TMEM168: variants seen among roughly 807,000 people sequenced by gnomAD.
TMEM168 encodes the protein transmembrane protein 168.
TMEM168 carries 40 observed loss-of-function variants against 53.2 expected under a neutral mutation model. The observed-to-expected ratio is 0.75, with a 90% CI of 0.58 to 0.98. TMEM168 has a LOEUF of 0.98. Ranked by LOEUF, TMEM168 falls within the 50% of genes least tolerant of loss-of-function variation. TMEM168 has a pLI of 0.00. For synonymous variants in TMEM168, 282 were observed against 293.0 expected, an observed-to-expected ratio of 0.96 and a Z score of 0.38; for missense variants, 771 against 828.8, an observed-to-expected ratio of 0.93 and a Z score of 0.86.
chr7:112,782,384 T>G (rs760392094), intron 2 of TMEM168, among the ~76,000 whole-genome samples: 1 of 152,078 alleles, frequency 6.6e-6, no homozygotes, highest in Non-Finnish European at 1.5e-5. Context: ...TTAACAGAAT[T>G]TGAAAGCCTG....
In TMEM168 at chr7:112,767,308, G is replaced by A; in HGVS notation, c.1983C>T (p.Asn661=). The A allele has an allele frequency of 6.2e-7, 1 of 1,614,098 alleles. No individual in the cohort carries two copies. The highest frequency in any genetic ancestry group is 1.1e-5 in the South Asian group (1 of 91,082). ...AACAAGTTTTGCAGATCCAAAAAAG[G>A]TTCAGACCGCATAACCAATTTGCCA... ...VHLANWLCGL[N]LFWICKTCFR... Residue 661 remains asparagine, a synonymous_variant, in exon 5 of 5, where the codon AAC becomes AAT. Transcript: ENST00000312814.
chr7:112,780,744 A>T lies in TMEM168; in HGVS notation c.1128+2954T>A, dbSNP rs556662731. ...GTCTCAAAAACAAAAGTCAGGCTCA[A>T]AAGACTACAATGTTAAATGATTTTA... On this transcript the variant is annotated intron_variant, in intron 2 of 4. Transcript: ENST00000312814. 1.3e-4 allele frequency among the ~76,000 whole-genome samples: 20 copies of T among 152,258 alleles called. 1 individual carries two copies. In the South Asian group the frequency reaches 4.1e-3, roughly 32 times the overall value.
intron 4 of TMEM168, among the ~76,000 whole-genome samples, chr7:112,768,381 A>G (rs1792842589): frequency 6.6e-6 from 1 of 152,184 alleles, no homozygotes; most frequent in Non-Finnish European, 1.5e-5. Flanking sequence ...CTTTACAGAA[A>G]AAGTTTGCCT....
intron 2 of TMEM168, among the ~76,000 whole-genome samples, chr7:112,777,090 GAA>G (rs1793105294): frequency 1.3e-5 from 2 of 152,026 alleles, no homozygotes; most frequent in South Asian, 2.1e-4. Context: ...TAGTTTCAAT[GAA>G]AGTCTTTTGT....
Position 112,783,783 on chromosome 7 carries a change from C to T in TMEM168, c.1043G>A (p.Gly348Glu). The T allele has an allele frequency of 6.3e-7, 1 of 1,593,386 alleles. No individual in the cohort carries two copies. The highest frequency in any genetic ancestry group is 8.5e-7 in the Non-Finnish European group (1 of 1,171,260). ...TGAAATCAAGCAAAAATGGCGCATCCCTTTGGATGCCATGATTCTATCAAG... is the reference window on the plus strand; with the variant it reads ...TGAAATCAAGCAAAAATGGCGCATCTCTTTGGATGCCATGATTCTATCAAG... ...NSLDRIMASK[G>E]MRHFCLISEQ... Residue 348 changes from glycine to glutamate, a missense_variant, in exon 2 of 5, where the codon GGG becomes GAG. Coordinates refer to ENST00000312814, the MANE Select transcript of TMEM168 (RefSeq NM_022484.6).
At position 112,784,666 on chromosome 7, in the gene TMEM168, C is replaced by T. The variant is rs772787253; in HGVS notation, c.160G>A (p.Val54Ile). The T allele has an allele frequency of 4.3e-5, 69 of 1,613,016 alleles. No homozygotes were observed. The highest frequency in any genetic ancestry group is 1.6e-4 in the East Asian group (7 of 44,852). ...GAATTTGCTGTTTTTTCCCATCTTA[C>T]GTATAGACCTAAGCATATAGCAACC... Reference protein sequence around the residue: ...LLVAICLGLYVRWEKTANSLI... With the variant: ...LLVAICLGLYIRWEKTANSLI... Residue 54 changes from valine to isoleucine, a missense_variant, in exon 2 of 5, where the codon GTA becomes ATA. Coordinates refer to ENST00000312814, the MANE Select transcript of TMEM168 (RefSeq NM_022484.6).
At chr7:112,788,354 G>A (rs1793449214) in intron 1 of TMEM168, 1 of 152,048 alleles carries the variant, frequency 6.6e-6, no homozygotes, top group Admixed American at 6.5e-5. Context: ...GTTCTGCACT[G>A]TTAACAGAGG....
chr7:112,779,560 T>C (rs867389873), intron 2 of TMEM168, among the ~76,000 whole-genome samples: 12 of 152,352 alleles, frequency 7.9e-5, no homozygotes, highest in South Asian at 4.1e-4. Flanking sequence ...CAAGTACTTA[T>C]TCTCCTTTGC....
At chr7:112,773,184 C>T (rs1460277233) in intron 3 of TMEM168, 129 bp from the exon 4 acceptor site, 1 of 994,622 alleles carries the variant, frequency 1.0e-6, no homozygotes, top group Non-Finnish European at 1.4e-6. Context: ...TAAAAAATCA[C>T]CCTTTCTAAA....
At position 112,764,901 on chromosome 7, in the gene TMEM168, C is replaced by T. The variant is rs1792737696; in HGVS notation, c.*2296G>A. On this transcript the variant is annotated 3_prime_UTR_variant, in exon 5 of 5. Coordinates refer to ENST00000312814, the MANE Select transcript of TMEM168 (RefSeq NM_022484.6). ...CTCAGCTCACTGCAACCTCTGCCTCCCGGGTTCAAGCGATTCTTGTGCCTT... is the reference window on the plus strand; with the variant it reads ...CTCAGCTCACTGCAACCTCTGCCTCTCGGGTTCAAGCGATTCTTGTGCCTT... 1 of 152,136 alleles carries T rather than the reference C, an allele frequency of 6.6e-6. No individual in the cohort carries two copies. The highest frequency in any genetic ancestry group is 1.5e-5 in the Non-Finnish European group (1 of 68,146). The allele number at this position is 152,136 out of a possible 1,614,324, so 9.4% of individuals were successfully genotyped here.
rs1792743447 is a variant in TMEM168, at chr7:112,765,133, A to ATGTT, written c.*2060_*2063dup. 6.6e-6 allele frequency: 1 copy of ATGTT among 152,178 alleles called. No homozygotes were observed. The allele number at this position is 152,178 out of a possible 1,614,324, so 9.4% of individuals were successfully genotyped here. ...ACCCGGCCTAGTTATTGTTTTTAAA[A>ATGTT]TGTTAGCTTTGTGATACCATCCCAA... On this transcript the variant is annotated 3_prime_UTR_variant, in exon 5 of 5. Coordinates refer to ENST00000312814, the MANE Select transcript of TMEM168 (RefSeq NM_022484.6).
chr7:112,769,447 C>CACA (rs958595293), intron 4 of TMEM168, among the ~76,000 whole-genome samples: 1 of 152,126 alleles, frequency 6.6e-6, no homozygotes, highest in African/African-American at 2.4e-5. Flanking sequence ...ATGTAAATTC[C>CACA]ATCTGCCACA....
chr7:112,774,231 T>C (rs1257978781), intron 3 of TMEM168, among the ~76,000 whole-genome samples: 1 of 152,204 alleles, frequency 6.6e-6, no homozygotes, highest in Non-Finnish European at 1.5e-5. Flanking sequence ...TTTATACAGA[T>C]GTCACCACCT....
chr7:112,769,434 A>AT (rs1297840022), intron 4 of TMEM168, among the ~76,000 whole-genome samples: 2 of 152,184 alleles, frequency 1.3e-5, no homozygotes. Context: ...TACAAGAACT[A>AT]TTATGTAAAT....
chr7:112,763,284 T>C lies in TMEM168; in HGVS notation c.*3913A>G, dbSNP rs1792701222. On this transcript the variant is annotated 3_prime_UTR_variant, in exon 5 of 5. Coordinates refer to ENST00000312814, the MANE Select transcript of TMEM168 (RefSeq NM_022484.6). ...GGATTCTGTAAGTTTTTTACTAAAT[T>C]ACTTGCTTAATGAAGATCTTGAAAT... is the stretch of plus-strand genomic sequence containing the variant. 6.6e-6 allele frequency: 1 copy of C among 152,158 alleles called. No individual in the cohort carries two copies. The highest frequency in any genetic ancestry group is 1.5e-5 in the Non-Finnish European group (1 of 67,978). 9.4% of individuals were successfully genotyped at this position (152,158 alleles called of 1,614,324 possible).
chr7:112,771,273 AC>A (rs147353115), intron 4 of TMEM168, among the ~76,000 whole-genome samples: 103 of 152,254 alleles, frequency 6.8e-4, no homozygotes, highest in South Asian at 1.7e-3. Context: ...CATGGCTTTC[AC>A]CCTTGGAGGC....
intron 1 of TMEM168, among the ~76,000 whole-genome samples, chr7:112,787,757 A>G (rs1793430311): frequency 1.9e-5 from 1 of 52,352 alleles, no homozygotes; most frequent in Non-Finnish European, 3.5e-5. Flanking sequence ...TTTGAGACAG[A>G]GTTTCATTCT....
At chr7:112,781,688 T>C (rs1793236632) in intron 2 of TMEM168, among the ~76,000 whole-genome samples, 1 of 151,322 alleles carries the variant, frequency 6.6e-6, no homozygotes, top group Non-Finnish European at 1.5e-5. Context: ...CTGGGAACAA[T>C]GAGATCTATA....
intron 2 of TMEM168, among the ~76,000 whole-genome samples, chr7:112,776,532 G>A (rs758985036): frequency 2.6e-5 from 4 of 151,932 alleles, no homozygotes; most frequent in Non-Finnish European, 4.4e-5. Flanking sequence ...ATTAATTCCT[G>A]CAATAGAAAA....
Sources: gnomAD v4.1 joint callset for allele counts (sites outside exome capture counted in the v4.1 genomes callset) on GRCh38, gnomAD v4.1.1 for gene constraint, MANE v1.5 for transcripts, NCBI Gene and HGNC (gene_info 2026-07-23, HGNC 2026-07-21) for gene names.